MACROD2: variants seen among roughly 807,000 people sequenced by gnomAD.
MACROD2 encodes the protein mono-ADP ribosylhydrolase 2.
MACROD2 carries 36 observed loss-of-function variants against 70.4 expected under a neutral mutation model. The ratio of observed to expected loss-of-function variants is 0.51; its 90% CI spans 0.39 to 0.68. The LOEUF is 0.68. Ranked by LOEUF, MACROD2 falls within the 30% of genes least tolerant of loss-of-function variation. MACROD2 has a pLI of 0.00. For missense variants in MACROD2, 496 were observed against 538.4 expected, an observed-to-expected ratio of 0.92 and a Z score of 0.78; for synonymous variants, 172 against 178.8, an observed-to-expected ratio of 0.96 and a Z score of 0.30.
intron 5 of MACROD2, among the ~76,000 whole-genome samples, chr20:15,071,269 C>CG (rs2075617268): frequency 6.6e-6 from 1 of 152,190 alleles, no homozygotes; most frequent in Admixed American, 6.5e-5. Flanking sequence ...AAGAAGACAT[C>CG]TGATTCCACT....
chr20:16,046,275 T>C (rs1281421745), intron 17 of MACROD2, among the ~76,000 whole-genome samples: 1 of 152,200 alleles, frequency 6.6e-6, no homozygotes, highest in Non-Finnish European at 1.5e-5. Flanking sequence ...AATGCATGTA[T>C]AGCATAAGAC....
intron 3 of MACROD2, among the ~76,000 whole-genome samples, chr20:14,370,411 G>A (rs2083311116): frequency 1.3e-5 from 2 of 151,978 alleles, no homozygotes; most frequent in Admixed American, 1.3e-4. Context: ...TTTGGGTTTG[G>A]GAATACCAAA....
intron 5 of MACROD2, among the ~76,000 whole-genome samples, chr20:15,095,814 G>A (rs1417285179): frequency 6.6e-6 from 1 of 152,072 alleles, no homozygotes; most frequent in Non-Finnish European, 1.5e-5. Context: ...ACCGTGCCCA[G>A]CCAGAAAGGT....
chr20:15,040,333 G>A (rs943926090), intron 5 of MACROD2, among the ~76,000 whole-genome samples: 1 of 133,400 alleles, frequency 7.5e-6, no homozygotes, highest in Admixed American at 7.4e-5. Context: ...AAAAAAAAAA[G>A]TACCTTAATG....
chr20:14,052,123 G>A (rs1372002401), intron 2 of MACROD2: 1 of 357,074 alleles, frequency 2.8e-6, no homozygotes, highest in Non-Finnish European at 5.5e-6. Flanking sequence ...GAGGAAGATG[G>A]GTGTGTTGGG....
chr20:15,535,357 T>G (rs914547448), intron 8 of MACROD2, among the ~76,000 whole-genome samples: 5 of 152,118 alleles, frequency 3.3e-5, no homozygotes, highest in African/African-American at 1.2e-4. Context: ...GTTCTCACAA[T>G]GTGGTCCCTA....
At chr20:14,549,157 A>C (rs1368162281) in intron 4 of MACROD2, among the ~76,000 whole-genome samples, 2 of 152,180 alleles carry the variant, frequency 1.3e-5, no homozygotes, top group African/African-American at 4.8e-5. Flanking sequence ...TTCTCGTCTG[A>C]GACATTATCA....
intron 5 of MACROD2, chr20:15,022,912 C>A (rs1021021736): frequency 6.6e-6 from 1 of 152,044 alleles, no homozygotes; most frequent in African/African-American, 2.4e-5. Flanking sequence ...TTAGCATGTC[C>A]CCTGTGCAGG....
chr20:15,531,318 CAAAAA>C (rs1159632776), intron 8 of MACROD2, among the ~76,000 whole-genome samples: 1 of 151,064 alleles, frequency 6.6e-6, no homozygotes, highest in Non-Finnish European at 1.5e-5. Flanking sequence ...ATAACATAAA[CAAAAA>C]TAAAATATAA....
intron 3 of MACROD2, among the ~76,000 whole-genome samples, chr20:14,330,478 A>G (rs747652390): frequency 6.6e-6 from 1 of 152,080 alleles, no homozygotes; most frequent in Admixed American, 6.6e-5. Flanking sequence ...TCCATAATTC[A>G]GATACTCTGC....
chr20:14,831,669 A>T (rs1049249551), intron 5 of MACROD2, among the ~76,000 whole-genome samples: 1 of 149,148 alleles, frequency 6.7e-6, no homozygotes, highest in Admixed American at 6.8e-5. Context: ...AATCCCGGCT[A>T]CTCAGGAGGC....
intron 5 of MACROD2, among the ~76,000 whole-genome samples, chr20:14,757,332 T>A (rs928982832): frequency 6.6e-6 from 1 of 152,074 alleles, no homozygotes; most frequent in Admixed American, 6.5e-5. Flanking sequence ...CTATAGCAAA[T>A]TGAAAAACAA....
chr20:15,214,102 T>C (rs2076787929), intron 5 of MACROD2, among the ~76,000 whole-genome samples: 1 of 152,158 alleles, frequency 6.6e-6, no homozygotes, highest in African/African-American at 2.4e-5. Flanking sequence ...CCAGCTTCTG[T>C]GCTTTCTCCA....
chr20:15,962,923 G>C (rs1426985823), intron 12 of MACROD2, among the ~76,000 whole-genome samples: 1 of 152,174 alleles, frequency 6.6e-6, no homozygotes, highest in Non-Finnish European at 1.5e-5. Flanking sequence ...CATCAGAATA[G>C]TCTGGGAATG....
At chr20:15,151,207 G>T (rs1260512862) in intron 5 of MACROD2, among the ~76,000 whole-genome samples, 1 of 152,012 alleles carries the variant, frequency 6.6e-6, no homozygotes, top group East Asian at 1.9e-4. Context: ...TTTTCAGTGG[G>T]GTCCCACAGA....
At chr20:15,248,959 A>G (rs930950178) in intron 6 of MACROD2, among the ~76,000 whole-genome samples, 9 of 152,188 alleles carry the variant, frequency 5.9e-5, no homozygotes, top group Non-Finnish European at 1.2e-4. Context: ...AAGCTCCATG[A>G]GGGAGTAGGG....
intron 8 of MACROD2, chr20:15,619,481 A>G (rs117647267): frequency 0.019 from 5,399 of 280,004 alleles, 81 homozygotes; most frequent in Middle Eastern, 0.05. Context: ...GGGCAGGATC[A>G]TTCAGCTTGG....
intron 5 of MACROD2, among the ~76,000 whole-genome samples, chr20:14,686,487 G>A (rs1568738641): frequency 6.6e-6 from 1 of 152,174 alleles, no homozygotes; most frequent in African/African-American, 2.4e-5. Flanking sequence ...AGATTTTGGA[G>A]CATTTTGAAT....
Position 14,671,332 on chromosome 20 carries a change from T to C in MACROD2, c.302-13511T>C, listed in dbSNP as rs1012746779. Among the ~76,000 whole-genome samples the C allele has an allele frequency of 3.9e-5, 6 of 152,210 alleles. No homozygotes were observed. The East Asian group carries it at 1.2e-3, about 29-fold the overall frequency. The stretch of plus-strand genomic sequence containing the variant: ...TACTCTGGGCAGGATTTTAATGAGC[T>C]TGACTTTTTTGCTCTCAGACCTAAT... On this transcript the variant is annotated intron_variant, in intron 4 of 17. Transcript: ENST00000684519.
Sources: gnomAD v4.1 joint callset for allele counts (sites outside exome capture counted in the v4.1 genomes callset) on GRCh38, gnomAD v4.1.1 for gene constraint, MANE v1.5 for transcripts, NCBI Gene and HGNC (gene_info 2026-07-23, HGNC 2026-07-21) for gene names.